CLASRP: variants seen among roughly 807,000 people sequenced by gnomAD.
CLASRP encodes the protein CLK4 associating serine/arginine rich protein.
CLASRP carries 52 observed loss-of-function variants against 99.9 expected under a neutral mutation model. The observed-to-expected ratio is 0.52, with a 90% CI of 0.42 to 0.66. CLASRP has a LOEUF of 0.66. Among genes scored for constraint, CLASRP ranks in the 30% least tolerant of loss-of-function variants. The pLI, the probability that CLASRP is intolerant of heterozygous loss-of-function variation, is 0.00. For missense variants in CLASRP, 848 were observed against 999.2 expected, an observed-to-expected ratio of 0.85 and a Z score of 2.04; for synonymous variants, 379 against 373.0, an observed-to-expected ratio of 1.02 and a Z score of -0.18.
At chr19:45,040,605 G>C (rs1173870602) in intron 2 of CLASRP, 1 of 265,018 alleles carries the variant, frequency 3.8e-6, no homozygotes, top group African/African-American at 2.2e-5. Context: ...GCCACCTCCA[G>C]AATGTCTGTT....
chr19:45,041,705 C>G lies in CLASRP; in HGVS notation c.99+1394C>G, dbSNP rs140615107. Among the ~76,000 whole-genome samples, 871 of 152,246 alleles carry G rather than the reference C, an allele frequency of 5.7e-3. 8 individuals carry two copies. Among genetic ancestry groups the G allele is most frequent in the African/African-American group, 0.02 (820 of 41,558 alleles). ...CTTCGTTGCTCAGAGCACCTCTATGCCTCCTAAGTGCCCTTGAGAGAAAGC... is the reference window on the plus strand; with the variant it reads ...CTTCGTTGCTCAGAGCACCTCTATGGCTCCTAAGTGCCCTTGAGAGAAAGC... On this transcript the variant is annotated intron_variant, in intron 2 of 20. Transcript: ENST00000221455.
intron 15 of CLASRP, 23 bp downstream of exon 15, chr19:45,068,077 C>T (rs1967134015): frequency 6.2e-7 from 1 of 1,612,124 alleles, no homozygotes. Flanking sequence ...TTGGAACTCG[C>T]CCGTCTAATT....
Position 45,056,490 on chromosome 19 carries a change from G to A in CLASRP, c.420G>A (p.Glu140=), listed in dbSNP as rs1191818449. ...EQCLYQIYID[E]LYGGLQRPSE... Reference sequence around the variant, plus strand: ...GCCTGTACCAGATCTACATTGATGAGTTGTACGGAGGCCTCCAGAGACCCA... The same window carrying A: ...GCCTGTACCAGATCTACATTGATGAATTGTACGGAGGCCTCCAGAGACCCA... Residue 140 remains glutamate (E), a synonymous_variant, in exon 6 of 21, where the codon GAG becomes GAA. Transcript: ENST00000221455. The A allele has an allele frequency of 8.1e-6, 13 of 1,613,866 alleles. No homozygotes were observed. The highest frequency in any genetic ancestry group is 1.1e-5 in the Non-Finnish European group (13 of 1,179,990).
At position 45,060,507 on chromosome 19, in the gene CLASRP, C is replaced by T; in HGVS notation, c.789+40C>T. ...GGAGTGGAAGGGGACAGGGGTGTGT[C>T]ACAGGGAGGGCACCCCCTCACCAAC... On this transcript the variant is annotated intron_variant, in intron 9 of 20. Coordinates refer to ENST00000221455, the MANE Select transcript of CLASRP (RefSeq NM_007056.3). This position sits in a 1 kb window ranked among gnomAD's most constrained non-coding sequence, Gnocchi z 4.6. 1 of 1,612,964 alleles carries T rather than the reference C, an allele frequency of 6.2e-7. No individual in the cohort carries two copies. The highest frequency in any genetic ancestry group is 8.5e-7 in the Non-Finnish European group (1 of 1,178,968).
rs745561616 is a variant in CLASRP, at chr19:45,064,487, G to GTCCCGCTCCCGC, written c.1278_1289dup (p.Ser427_Arg430dup). 142 of 1,533,744 alleles carry GTCCCGCTCCCGC rather than the reference G, an allele frequency of 9.3e-5. No homozygotes were observed. Among genetic ancestry groups the GTCCCGCTCCCGC allele is most frequent in the African/African-American group, 3.3e-4 (24 of 72,568 alleles). ...ACGCCCGCTCCCGGTCCCGCTCCTG[G>GTCCCGCTCCCGC]TCCCGCTCCCGCTCCCGCTCCCGGC... On this transcript the variant is annotated inframe_insertion, in exon 13 of 21. Transcript: ENST00000221455.
At chr19:45,059,218 C>G (rs1966885683) in intron 7 of CLASRP, 50 bp from the exon 8 acceptor site, 1 of 1,505,128 alleles carries the variant, frequency 6.6e-7, no homozygotes, top group Non-Finnish European at 9.1e-7. Context: ...CCCCTTCTCC[C>G]CTGTCCTCTC....
At chr19:45,050,422 T>C (rs1392594252) in intron 2 of CLASRP, among the ~76,000 whole-genome samples, 1 of 152,174 alleles carries the variant, frequency 6.6e-6, no homozygotes, top group East Asian at 1.9e-4. Context: ...TAGTGGCTCA[T>C]GCCTGTAATC....
intron 11 of CLASRP, 136 bp downstream of exon 11, chr19:45,062,331 G>C (rs1043382328): frequency 1.6e-6 from 1 of 620,128 alleles, no homozygotes; most frequent in African/African-American, 1.8e-5. Flanking sequence ...TTCTGGGTCT[G>C]AATCATTTTT....
At position 45,060,349 on chromosome 19, in the gene CLASRP, C is replaced by G. The variant is rs1354244534; in HGVS notation, c.711-40C>G. ...GTCTGTGTCCTCCTTACCCTGTGGC[C>G]TGCCCCATCCTCCACCCTAATTCTC... On this transcript the variant is annotated intron_variant, in intron 8 of 20. Transcript: ENST00000221455. The surrounding 1 kb of genome is among the most constrained non-coding windows in gnomAD (Gnocchi z 4.6). 6.3e-7 allele frequency: 1 copy of G among 1,582,718 alleles called. No individual in the cohort carries two copies. The highest frequency in any genetic ancestry group is 8.7e-7 in the Non-Finnish European group (1 of 1,151,594).
intron 2 of CLASRP, among the ~76,000 whole-genome samples, chr19:45,045,172 CAGGGAGGAAAA>C (rs1467503250): frequency 1.3e-5 from 2 of 152,110 alleles, no homozygotes; most frequent in African/African-American, 4.8e-5. Flanking sequence ...TTCTATCCAG[CAGGGAGGAAAA>C]AGGGAGGAAA....
chr19:45,044,033 C>G lies in CLASRP; in HGVS notation c.99+3722C>G, dbSNP rs1200718738. On this transcript the variant is annotated intron_variant, in intron 2 of 20. Coordinates refer to ENST00000221455, the MANE Select transcript of CLASRP (RefSeq NM_007056.3). ...AGCAGCTGAGACTATAGGTGCCCAC[C>G]ACCACGCCCGGCTAATTTTTGTATT... Among the ~76,000 whole-genome samples the G allele has an allele frequency of 5.9e-5, 9 of 152,282 alleles. 1 individual carries two copies. In the Middle Eastern group the frequency reaches 0.014, roughly 230 times the overall value.
In CLASRP at chr19:45,064,475, GTCCCGCTCCTGGTCCCGCTCCCGC is replaced by G. The variant is rs1568420569; in HGVS notation, c.1264_1287del (p.Trp422_Ser429del). 4 of 1,532,014 alleles carry G rather than the reference GTCCCGCTCCTGGTCCCGCTCCCGC, an allele frequency of 2.6e-6. No individual in the cohort carries two copies. The highest frequency in any genetic ancestry group is 2.4e-5 in the South Asian group (2 of 83,858). 94.9% of individuals were successfully genotyped at this position (1,532,014 alleles called of 1,614,324 possible). A position where few individuals can be genotyped will look rare whatever the true frequency, so the allele number is the denominator to read the frequency against. Reference sequence around the variant, plus strand: ...GTTCCGGCCGCCACGCCCGCTCCCGGTCCCGCTCCTGGTCCCGCTCCCGCTCCCGCTCCCGGCGCTATTCCCGGT... The same window carrying G: ...GTTCCGGCCGCCACGCCCGCTCCCGGTCCCGCTCCCGGCGCTATTCCCGGT... On this transcript the variant is annotated inframe_deletion, in exon 13 of 21. Transcript: ENST00000221455.
Position 45,067,562 on chromosome 19 carries a change from C to T in CLASRP, c.1635C>T (p.Ala545=), listed in dbSNP as rs747724170. The T allele has an allele frequency of 6.2e-6, 10 of 1,604,516 alleles. No homozygotes were observed. In the African/African-American group the frequency reaches 1.1e-4, roughly 17 times the overall value. ...SPAREKLTRP[A]ASPAVGEKLK... ...CAAGAGAGAAGCTGACCAGGCCGGC[C>T]GCGTCCCCTGCTGTGGGCGAGAAGC... is the stretch of plus-strand genomic sequence containing the variant. The change falls in exon 14 of 21, where the codon GCC becomes GCT. Residue 545 remains alanine, a synonymous_variant. Transcript: ENST00000221455. This position sits in a 1 kb window ranked among gnomAD's most constrained non-coding sequence, Gnocchi z 4.9.
At position 45,052,124 on chromosome 19, in the gene CLASRP, C is replaced by T; in HGVS notation, c.153C>T (p.His51=). 1.9e-6 allele frequency: 3 copies of T among 1,614,022 alleles called. No homozygotes were observed. The highest frequency in any genetic ancestry group is 1.1e-5 in the South Asian group (1 of 91,088). Residue 51 remains histidine (H), a synonymous_variant, in exon 3 of 21, where the codon CAC becomes CAT. Transcript: ENST00000221455. ...TACATGGCCGAGCTTGCAAGGTGCA[C>T]CTGGATTCTGCAGTCGCCCTGGCCG... ...LQVHGRACKV[H]LDSAVALAAE...
intron 11 of CLASRP, 107 bp from the exon 12 acceptor site, chr19:45,063,905 C>T (rs1347009035): frequency 2.8e-6 from 4 of 1,453,352 alleles, no homozygotes; most frequent in African/African-American, 1.4e-5. Flanking sequence ...CCTGGTTTCC[C>T]GGGTCGCTGT....
chr19:45,069,658 A>AGGTGCC (rs1220671686), intron 18 of CLASRP: 1 of 444,294 alleles, frequency 2.3e-6, no homozygotes, highest in African/African-American at 2.0e-5. Context: ...ATTTGACAAG[A>AGGTGCC]TCAAGGCCAG....
chr19:45,054,927 T>A (rs1362671527), intron 5 of CLASRP, among the ~76,000 whole-genome samples: 2 of 152,208 alleles, frequency 1.3e-5, no homozygotes, highest in African/African-American at 4.8e-5. Context: ...AGATAGATGC[T>A]TTTTTGATTT....
intron 18 of CLASRP, chr19:45,069,614 C>A: frequency 1.1e-5 from 5 of 470,586 alleles, no homozygotes; most frequent in Non-Finnish European, 1.9e-5. Context: ...AATGGAGATA[C>A]AGTCACTGTC....
intron 13 of CLASRP, among the ~76,000 whole-genome samples, chr19:45,064,957 G>A (rs1244849684): frequency 6.6e-6 from 1 of 152,166 alleles, no homozygotes; most frequent in Non-Finnish European, 1.5e-5. Context: ...GGAGTAGAAA[G>A]CGCATGGACG....
Sources: allele counts gnomAD v4.1 joint callset (sites outside exome capture counted in the v4.1 genomes callset), GRCh38; gene constraint gnomAD v4.1.1; non-coding constraint Gnocchi (gnomAD v3.1); transcripts MANE v1.5; gene names NCBI Gene and HGNC (gene_info 2026-07-23, HGNC 2026-07-21).